Variants in KCNC2 observed in about 807,000 individuals in gnomAD.
KCNC2 encodes potassium voltage-gated channel subfamily C member 2.
Under a neutral mutation model 44.5 loss-of-function variants are expected in KCNC2, and 21 were observed. The observed-to-expected ratio is 0.47, with a 90% CI of 0.33 to 0.68. KCNC2 has a LOEUF of 0.68. Ranked by LOEUF, KCNC2 falls within the 30% of genes least tolerant of loss-of-function variation. KCNC2 has a pLI of 0.01. For synonymous variants in KCNC2, 391 were observed against 339.1 expected (o/e 1.15, Z -1.68); for missense variants, 589 against 826.2 (o/e 0.71, Z 3.52).
chr12:75,093,559 G>T (rs1287302329), intron 2 of KCNC2, among the ~76,000 whole-genome samples: 1 of 151,594 alleles, frequency 6.6e-6, no homozygotes, highest in African/African-American at 2.4e-5. Flanking sequence ...ATTTTGTCTA[G>T]CGGTATTAAT....
chr12:75,171,937 T>C (rs1237977636), intron 2 of KCNC2, among the ~76,000 whole-genome samples: 2 of 151,728 alleles, frequency 1.3e-5, no homozygotes, highest in Non-Finnish European at 2.9e-5. Flanking sequence ...TAAATTATCT[T>C]TATCATTTGT....
intron 2 of KCNC2, among the ~76,000 whole-genome samples, chr12:75,065,955 T>C (rs900690954): frequency 1.1e-4 from 17 of 152,294 alleles, no homozygotes; most frequent in African/African-American, 4.1e-4. Flanking sequence ...TTGAATTTGC[T>C]ACACATCCAA....
At chr12:75,070,950 T>C (rs1296901367) in intron 2 of KCNC2, among the ~76,000 whole-genome samples, 1 of 152,178 alleles carries the variant, frequency 6.6e-6, no homozygotes, top group Non-Finnish European at 1.5e-5. Context: ...GGCAGACATA[T>C]TTTTCACATT....
intron 2 of KCNC2, among the ~76,000 whole-genome samples, chr12:75,206,210 T>A (rs1032346371): frequency 2.6e-5 from 4 of 152,196 alleles, no homozygotes; most frequent in Admixed American, 2.6e-4. Flanking sequence ...GAATTCCCAT[T>A]CTGCCCATGG....
intron 2 of KCNC2, among the ~76,000 whole-genome samples, chr12:75,156,260 G>C (rs1221999936): frequency 6.8e-6 from 1 of 147,878 alleles, no homozygotes; most frequent in South Asian, 2.1e-4. Context: ...TTTTTTTTTT[G>C]TACAATTTGT....
chr12:75,191,142 A>G (rs1178517536), intron 2 of KCNC2, among the ~76,000 whole-genome samples: 2 of 152,050 alleles, frequency 1.3e-5, no homozygotes, highest in African/African-American at 4.8e-5. Flanking sequence ...TAAAATGAAC[A>G]TGTAGGACCT....
chr12:75,163,456 C>A (rs1891249815), intron 2 of KCNC2, among the ~76,000 whole-genome samples: 1 of 151,710 alleles, frequency 6.6e-6, no homozygotes, highest in South Asian at 2.1e-4. Context: ...TCATTTGGAA[C>A]AAATGCATTT....
intron 2 of KCNC2, among the ~76,000 whole-genome samples, chr12:75,101,529 A>G (rs557193458): frequency 2.0e-5 from 3 of 152,162 alleles, no homozygotes; most frequent in Non-Finnish European, 4.4e-5. Context: ...AAGAGCATAA[A>G]GAAACCTTGA....
chr12:75,083,798 T>C (rs1592833353), intron 2 of KCNC2, among the ~76,000 whole-genome samples: 2 of 152,116 alleles, frequency 1.3e-5, no homozygotes, highest in East Asian at 3.9e-4. Flanking sequence ...AGATATTTTA[T>C]AATAAATACA....
Position 75,207,995 on chromosome 12 carries a change from A to C in KCNC2, c.-12T>G. 1 of 1,611,678 alleles carries C rather than the reference A, an allele frequency of 6.2e-7. No homozygotes were observed. The highest frequency in any genetic ancestry group is 1.1e-5 in the South Asian group (1 of 90,868). On this transcript the variant is annotated 5_prime_UTR_variant, in exon 2 of 5. Coordinates refer to ENST00000549446, the MANE Select transcript of KCNC2 (RefSeq NM_139137.4). The surrounding 1 kb of genome is among the most constrained non-coding windows in gnomAD (Gnocchi z 4.1). ...TCGATCTTGCCCATCTCTGTGACTCAGACATGACTAGGGGGAGGCAAACAC... is the reference window on the plus strand; with the variant it reads ...TCGATCTTGCCCATCTCTGTGACTCCGACATGACTAGGGGGAGGCAAACAC...
intron 2 of KCNC2, among the ~76,000 whole-genome samples, chr12:75,054,097 C>A (rs969567914): frequency 4.0e-5 from 6 of 151,674 alleles, no homozygotes; most frequent in Non-Finnish European, 8.8e-5. Flanking sequence ...GTGGCACATG[C>A]CTGTAATCCC....
At chr12:75,190,487 T>A in intron 2 of KCNC2, among the ~76,000 whole-genome samples, 1 of 152,228 alleles carries the variant, frequency 6.6e-6, no homozygotes, top group East Asian at 1.9e-4. Flanking sequence ...GGGTCTTGTC[T>A]GTGCTCACAG....
Position 75,041,839 on chromosome 12 carries a change from T to A in KCNC2, c.*1266A>T. ...TTTATACACAAAGCAGAGAGGCTGC[T>A]CCAAATAGCAAAAAATGGTATGGAG... On this transcript the variant is annotated 3_prime_UTR_variant, in exon 5 of 5. Coordinates refer to ENST00000549446, the MANE Select transcript of KCNC2 (RefSeq NM_139137.4). The A allele has an allele frequency of 6.1e-6, 6 of 987,896 alleles. No homozygotes were observed. Among genetic ancestry groups the A allele is most frequent in the Non-Finnish European group, 6.0e-6 (5 of 832,068 alleles). 61.2% of individuals were successfully genotyped at this position (987,896 alleles called of 1,614,324 possible). A position where few individuals can be genotyped will look rare whatever the true frequency, so the allele number is the denominator to read the frequency against.
At chr12:75,155,888 T>G (rs1890724126) in intron 2 of KCNC2, among the ~76,000 whole-genome samples, 1 of 151,946 alleles carries the variant, frequency 6.6e-6, no homozygotes, top group South Asian at 2.1e-4. Flanking sequence ...GATGACAATT[T>G]GAAATCCCAA....
At chr12:75,099,297 T>C (rs1465366624) in intron 2 of KCNC2, among the ~76,000 whole-genome samples, 3 of 152,122 alleles carry the variant, frequency 2.0e-5, no homozygotes, top group East Asian at 3.9e-4. Context: ...CCCTCAACTG[T>C]ATAATGCATT....
intron 2 of KCNC2, among the ~76,000 whole-genome samples, chr12:75,097,716 AGC>A (rs1462912186): frequency 3.3e-5 from 5 of 152,182 alleles, no homozygotes; most frequent in Non-Finnish European, 7.4e-5. Context: ...GATTTTTAAG[AGC>A]AAGGACTTTG....
At chr12:75,069,999 T>C (rs939019424) in intron 2 of KCNC2, among the ~76,000 whole-genome samples, 1 of 152,186 alleles carries the variant, frequency 6.6e-6, no homozygotes, top group East Asian at 1.9e-4. Context: ...TCATGAAAAG[T>C]GGGAGATTTA....
chr12:75,130,795 AAC>A (rs1491057909), intron 2 of KCNC2, among the ~76,000 whole-genome samples: 3 of 152,046 alleles, frequency 2.0e-5, no homozygotes, highest in Middle Eastern at 3.4e-3. Context: ...AAAAAAAAAA[AAC>A]AATGCACATG....
intron 2 of KCNC2, among the ~76,000 whole-genome samples, chr12:75,056,156 G>A (rs530925609): frequency 6.6e-6 from 1 of 152,056 alleles, no homozygotes; most frequent in South Asian, 2.1e-4. Context: ...TTCAGCCCCT[G>A]TTGTGAAATT....
Sources: gnomAD v4.1 joint callset for allele counts (sites outside exome capture counted in the v4.1 genomes callset) on GRCh38, gnomAD v4.1.1 for gene constraint, Gnocchi (gnomAD v3.1) non-coding constraint, MANE v1.5 for transcripts, NCBI Gene and HGNC (gene_info 2026-07-23, HGNC 2026-07-21) for gene names.